FOXN4: variants seen among roughly 807,000 people sequenced by gnomAD.
FOXN4 encodes the protein forkhead box protein N4.
A neutral mutation model predicts 45.0 loss-of-function variants in FOXN4; 12 were observed. The observed-to-expected ratio is 0.27, with a 90% CI of 0.17 to 0.43. FOXN4 has a LOEUF of 0.43. Ranked by LOEUF, FOXN4 falls within the 20% of genes least tolerant of loss-of-function variation. The probability of loss-of-function intolerance (pLI) is 1.00; values close to 1 mark genes in which losing one functional copy is unlikely to be tolerated. For synonymous variants in FOXN4, 297 were observed against 295.0 expected (o/e 1.01, Z -0.07); for missense variants, 560 against 694.9 (o/e 0.81, Z 2.18).
chr12:109,288,027 C>T lies in FOXN4; in HGVS notation c.357+29G>A. The T allele has an allele frequency of 6.5e-7, 1 of 1,550,052 alleles. No homozygotes were observed. The highest frequency in any genetic ancestry group is 1.2e-5 in the South Asian group (1 of 84,018). On this transcript the variant is annotated intron_variant, in intron 4 of 9. Transcript: ENST00000299162. The surrounding 1 kb of genome is among the most constrained non-coding windows in gnomAD (Gnocchi z 4.3). ...CACCCAGTCTGGAGGGCACTACCCG[C>T]CCTCCGCAGTCCATGCAGTGCCACT...
Position 109,281,583 on chromosome 12 carries a change from G to A in FOXN4, c.1118C>T (p.Pro373Leu), listed in dbSNP as rs1164090286. 6.2e-7 allele frequency: 1 copy of A among 1,606,790 alleles called. No individual in the cohort carries two copies. The highest frequency in any genetic ancestry group is 1.7e-5 in the Admixed American group (1 of 58,576). Residue 373 changes from proline to leucine, a missense_variant, in exon 9 of 10, where the codon CCA (proline) becomes CTA (leucine). Around this residue, in one of 5 missense-constraint regions of FOXN4, gnomAD observed 315 missense variants for 350.5 expected, o/e 0.90. Coordinates refer to ENST00000299162, the MANE Select transcript of FOXN4 (RefSeq NM_213596.3). ...GGTCTGGGCTGGTGCTGGAGAGTCT[G>A]GAGCAAGATGTGCCTGGGGCTGGAC... ...HQVQPQAHLA[P>L]DSPAPAQTPP...
intron 2 of FOXN4, among the ~76,000 whole-genome samples, chr12:109,299,806 C>T (rs1383567534): frequency 6.6e-6 from 1 of 152,230 alleles, no homozygotes; most frequent in Non-Finnish European, 1.5e-5. Flanking sequence ...CTTATTACTT[C>T]ATGGGTGTTA....
chr12:109,299,374 ACACACACAACACACATATG>A (rs1346344231), intron 2 of FOXN4, among the ~76,000 whole-genome samples: 5 of 152,126 alleles, frequency 3.3e-5, no homozygotes, highest in African/African-American at 4.8e-5. Flanking sequence ...ACACACGTGC[ACACACACAACACACATATG>A]CACACACAAC....
At chr12:109,307,388 C>T (rs573343313) in intron 2 of FOXN4, among the ~76,000 whole-genome samples, 15 of 152,296 alleles carry the variant, frequency 9.8e-5, no homozygotes, top group African/African-American at 3.4e-4. Flanking sequence ...GCCCTGGAAA[C>T]GAGGTCAGGG....
intron 8 of FOXN4, 105 bp from the exon 9 acceptor site, chr12:109,281,904 A>C (rs1046669876): frequency 7.4e-7 from 1 of 1,357,038 alleles, no homozygotes; most frequent in Admixed American, 2.8e-5. Flanking sequence ...TGACCTTAGC[A>C]AGCCTCTTGG....
chr12:109,290,050 G>A lies in FOXN4; in HGVS notation c.232+91C>T. The A allele has an allele frequency of 7.1e-7, 1 of 1,407,046 alleles. No homozygotes were observed. The highest frequency in any genetic ancestry group is 9.4e-7 in the Non-Finnish European group (1 of 1,062,612). 87.2% of individuals were successfully genotyped at this position (1,407,046 alleles called of 1,614,324 possible). A position where few individuals can be genotyped will look rare whatever the true frequency, so the allele number is the denominator to read the frequency against. On this transcript the variant is annotated intron_variant, in intron 3 of 9. Coordinates refer to ENST00000299162, the MANE Select transcript of FOXN4 (RefSeq NM_213596.3). The surrounding 1 kb of genome is among the most constrained non-coding windows in gnomAD (Gnocchi z 5.1). The stretch of plus-strand genomic sequence containing the variant: ...AGGCCCAGAGAGACTGGGAGACCGG[G>A]TCATGGCTGCACAGTGGGTGGGTGG...
intron 2 of FOXN4, among the ~76,000 whole-genome samples, chr12:109,298,962 A>C (rs1202058773): frequency 1.3e-5 from 2 of 152,152 alleles, no homozygotes; most frequent in African/African-American, 4.8e-5. Context: ...TGCCTGAGAG[A>C]AAATGACAAC....
intron 2 of FOXN4, among the ~76,000 whole-genome samples, chr12:109,295,106 A>G (rs1192964186): frequency 6.6e-6 from 1 of 152,090 alleles, no homozygotes; most frequent in Non-Finnish European, 1.5e-5. Flanking sequence ...TAATAGCCGC[A>G]ATACCTCATA....
At chr12:109,283,720 C>A (rs12813654) in intron 8 of FOXN4, among the ~76,000 whole-genome samples, 25,459 of 152,200 alleles carry the variant, frequency 0.17, 2,275 homozygotes, top group Middle Eastern at 0.22. Flanking sequence ...AGGTGATCCA[C>A]CCGCCTTGGC....
At position 109,287,507 on chromosome 12, in the gene FOXN4, G is replaced by A; in HGVS notation, c.486C>T (p.Leu162=). ...PGAQQCPPVG[L]YGPPFGVRPP... ...GCCGCACCCCAAATGGGGGGCCATA[G>A]AGGCCCACAGGAGGGCACTTCCCAC... The change falls in exon 6 of 10, where the codon CTC becomes CTT. Residue 162 remains leucine (L), a synonymous_variant. Transcript: ENST00000299162. This position sits in a 1 kb window ranked among gnomAD's most constrained non-coding sequence, Gnocchi z 4.1. 6.5e-7 allele frequency: 1 copy of A among 1,543,608 alleles called. No individual in the cohort carries two copies. The highest frequency in any genetic ancestry group is 8.7e-7 in the Non-Finnish European group (1 of 1,143,810).
chr12:109,286,156 T>A (rs2047708387), intron 7 of FOXN4, among the ~76,000 whole-genome samples: 1 of 152,196 alleles, frequency 6.6e-6, no homozygotes, highest in Non-Finnish European at 1.5e-5. Context: ...CACAGCTTGG[T>A]GTACCCTCTA....
intron 8 of FOXN4, among the ~76,000 whole-genome samples, chr12:109,285,052 C>T (rs373093493): frequency 2.5e-4 from 37 of 149,464 alleles, no homozygotes; most frequent in African/African-American, 8.2e-4. Context: ...TGTGTGTGTG[C>T]GCGCATGTGT....
At chr12:109,308,192 G>A in intron 2 of FOXN4, 44 bp downstream of exon 2, 1 of 1,439,724 alleles carries the variant, frequency 6.9e-7, no homozygotes, top group Non-Finnish European at 9.5e-7. Context: ...CAAACACTTT[G>A]AGCAATTAAA....
chr12:109,308,246 G>A lies in FOXN4; in HGVS notation c.76C>T (p.Gln26Ter). The A allele has an allele frequency of 6.4e-7, 1 of 1,550,908 alleles. No individual in the cohort carries two copies. ...TGTTGGAGCCCTCACCTGTATTCCTGTGGAGAGGGGTGGTGATTTTGCCCT... is the reference window on the plus strand; with the variant it reads ...TGTTGGAGCCCTCACCTGTATTCCTATGGAGAGGGGTGGTGATTTTGCCCT... ...NSGQNHHPSP[Q>*]EYRLLATTSD... The change falls in exon 2 of 10, where the codon CAG becomes TAG. Residue 26 changes from glutamine (Q) to a stop codon, truncating the protein, a stop_gained. Transcript: ENST00000299162. LOFTEE classifies it high-confidence loss of function.
intron 8 of FOXN4, among the ~76,000 whole-genome samples, chr12:109,284,669 C>T (rs184350414): frequency 2.0e-5 from 3 of 148,892 alleles, no homozygotes; most frequent in East Asian, 2.0e-4. Context: ...CGTGTGTGTG[C>T]GCACATGTGT....
intron 2 of FOXN4, among the ~76,000 whole-genome samples, chr12:109,303,093 G>GCTTGGGA (rs1183608236): frequency 6.6e-6 from 1 of 152,206 alleles, no homozygotes; most frequent in Non-Finnish European, 1.5e-5. Context: ...ACAAGAGTTG[G>GCTTGGGA]CTTGGGACTT....
chr12:109,283,012 C>A (rs1255834373), intron 8 of FOXN4, among the ~76,000 whole-genome samples: 1 of 152,168 alleles, frequency 6.6e-6, no homozygotes, highest in East Asian at 1.9e-4. Context: ...CTTCTCCCTG[C>A]CTTGAGTTGT....
chr12:109,290,691 C>T lies in FOXN4; in HGVS notation c.87-405G>A, dbSNP rs1167614012. 6.6e-6 allele frequency among the ~76,000 whole-genome samples: 1 copy of T among 152,212 alleles called. No homozygotes were observed. The highest frequency in any genetic ancestry group is 1.5e-5 in the Non-Finnish European group (1 of 68,038). ...GTTGGAGCTCACCTACTATGGGACACTACAGCACAGAGCACTCAGGGCCTG... is the reference window on the plus strand; with the variant it reads ...GTTGGAGCTCACCTACTATGGGACATTACAGCACAGAGCACTCAGGGCCTG... On this transcript the variant is annotated intron_variant, in intron 2 of 9. Transcript: ENST00000299162. The surrounding 1 kb of genome is among the most constrained non-coding windows in gnomAD (Gnocchi z 5.1).
chr12:109,280,685 C>A (rs1190734930), intron 9 of FOXN4, among the ~76,000 whole-genome samples: 2 of 152,226 alleles, frequency 1.3e-5, no homozygotes, highest in Non-Finnish European at 2.9e-5. Flanking sequence ...TGCCACTTGT[C>A]CATTTCCCTC....
Sources: allele counts gnomAD v4.1 joint callset (sites outside exome capture counted in the v4.1 genomes callset), GRCh38; gene constraint gnomAD v4.1.1; regional missense constraint gnomAD v4.1.1; non-coding constraint Gnocchi (gnomAD v3.1); transcripts MANE v1.5; gene names NCBI Gene and HGNC (gene_info 2026-07-23, HGNC 2026-07-21).